ALPK3: variants seen among roughly 807,000 people sequenced by gnomAD.
ALPK3 encodes alpha kinase 3.
ALPK3 carries 102 observed loss-of-function variants against 140.0 expected under a neutral mutation model. The ratio of observed to expected loss-of-function variants is 0.73; its 90% CI spans 0.62 to 0.86. The LOEUF is 0.86. ALPK3 is among the 40% of genes least tolerant of loss of function. The probability of loss-of-function intolerance (pLI) is 0.00; values close to 1 mark genes in which losing one functional copy is unlikely to be tolerated. For missense variants in ALPK3, 2,254 were observed against 2,208.2 expected (o/e 1.02, Z -0.42); for synonymous variants, 938 against 898.5 (o/e 1.04, Z -0.79).
intron 9 of ALPK3, among the ~76,000 whole-genome samples, chr15:84,861,682 AG>A (rs1963947443): frequency 1.3e-5 from 2 of 152,312 alleles, no homozygotes; most frequent in Admixed American, 1.3e-4. Context: ...TCTGTAAAAA[AG>A]GGATGATTAT....
rs1187800939 is a variant in ALPK3 at position 84,871,438 on chromosome 15, G to A, written c.*2982G>A. The A allele has an allele frequency of 6.6e-6, 1 of 152,204 alleles. No homozygotes were observed. The highest frequency in any genetic ancestry group is 2.4e-5 in the African/African-American group (1 of 41,436). The allele number at this position is 152,204 out of a possible 1,614,324, so 9.4% of individuals were successfully genotyped here. The stretch of plus-strand genomic sequence containing the variant: ...TTTATAATGAGCCTGAAGTGGCCTG[G>A]TGGCTGCCTCAGCTTCCAGTTCAGT... On this transcript the variant is annotated 3_prime_UTR_variant, in exon 14 of 14. Coordinates refer to ENST00000258888, the MANE Select transcript of ALPK3 (RefSeq NM_020778.5).
intron 3 of ALPK3, 142 bp downstream of exon 3, chr15:84,827,747 C>T: frequency 8.0e-7 from 1 of 1,253,784 alleles, no homozygotes; most frequent in Non-Finnish European, 1.1e-6. Context: ...AGCTTTCTCT[C>T]TAGTTTAACA....
intron 3 of ALPK3, among the ~76,000 whole-genome samples, chr15:84,828,209 C>A (rs1056802391): frequency 2.6e-5 from 4 of 152,138 alleles, no homozygotes; most frequent in African/African-American, 9.7e-5. Context: ...TGGAGTAGTA[C>A]CTTATGTACA....
intron 3 of ALPK3, among the ~76,000 whole-genome samples, chr15:84,837,093 G>T (rs1963604089): frequency 6.6e-6 from 1 of 152,192 alleles, no homozygotes; most frequent in South Asian, 2.1e-4. Flanking sequence ...TGCAAGAGAG[G>T]CTATAAAGTC....
chr15:84,848,467 A>G (rs1266275246), intron 5 of ALPK3, among the ~76,000 whole-genome samples: 6 of 152,202 alleles, frequency 3.9e-5, no homozygotes, highest in African/African-American at 1.4e-4. Flanking sequence ...ATACAAAGAG[A>G]TATAGTAAAA....
chr15:84,842,718 GT>G (rs1963680481), intron 5 of ALPK3, among the ~76,000 whole-genome samples: 1 of 152,230 alleles, frequency 6.6e-6, no homozygotes, highest in Non-Finnish European at 1.5e-5. Flanking sequence ...TGTAGGAACA[GT>G]AGTTCAGAGG....
intron 5 of ALPK3, among the ~76,000 whole-genome samples, chr15:84,853,929 G>T (rs1963833612): frequency 6.6e-6 from 1 of 151,876 alleles, no homozygotes; most frequent in Non-Finnish European, 1.5e-5. Flanking sequence ...TGGGAGCATT[G>T]CTTGAGGCCA....
chr15:84,855,909 G>T (rs1385074951), intron 5 of ALPK3, among the ~76,000 whole-genome samples: 1 of 152,168 alleles, frequency 6.6e-6, no homozygotes, highest in Non-Finnish European at 1.5e-5. Context: ...CTCACTCAAT[G>T]TTACTGGTGG....
At position 84,866,937 on chromosome 15, in the gene ALPK3, G is replaced by A. The variant is rs185225293; in HGVS notation, c.4724-380G>A. Among the ~76,000 whole-genome samples, 291 of 152,232 alleles carry A rather than the reference G, an allele frequency of 1.9e-3. 1 individual carries two copies. Among genetic ancestry groups the A allele is most frequent in the African/African-American group, 6.6e-3 (275 of 41,554 alleles). On this transcript the variant is annotated intron_variant, in intron 12 of 13. Coordinates refer to ENST00000258888, the MANE Select transcript of ALPK3 (RefSeq NM_020778.5). The stretch of plus-strand genomic sequence containing the variant: ...TTTGGCTCTAGGAATCCAAAAAAAC[G>A]GAACCCTTATTTTAAGTCAAATGGC...
At position 84,872,858 on chromosome 15, in the gene ALPK3, T is replaced by G. The variant is rs1306730746; in HGVS notation, c.*4402T>G. ...ATAAGTTTTTCCTTCAAAAATACATTTGACTTCCTCTCCATTTAAGGTCTG... is the reference window on the plus strand; with the variant it reads ...ATAAGTTTTTCCTTCAAAAATACATGTGACTTCCTCTCCATTTAAGGTCTG... On this transcript the variant is annotated 3_prime_UTR_variant, in exon 14 of 14. Transcript: ENST00000258888. 1.3e-5 allele frequency: 2 copies of G among 152,196 alleles called. No homozygotes were observed. Among genetic ancestry groups the G allele is most frequent in the East Asian group, 3.8e-4 (2 of 5,202 alleles). The allele number at this position is 152,196 out of a possible 1,614,324, so 9.4% of individuals were successfully genotyped here.
intron 3 of ALPK3, among the ~76,000 whole-genome samples, chr15:84,838,251 A>T (rs1963616958): frequency 6.6e-6 from 1 of 152,192 alleles, no homozygotes; most frequent in Non-Finnish European, 1.5e-5. Context: ...GAGGGCTCTT[A>T]GAAGGGATGA....
chr15:84,841,403 A>G (rs1196996057), intron 5 of ALPK3, among the ~76,000 whole-genome samples: 3 of 152,220 alleles, frequency 2.0e-5, no homozygotes, highest in Non-Finnish European at 4.4e-5. Flanking sequence ...GGGTTTATCT[A>G]AGGTTCTGGA....
intron 9 of ALPK3, 145 bp downstream of exon 9, chr15:84,860,217 G>A (rs773999498): frequency 2.9e-6 from 3 of 1,034,504 alleles, no homozygotes; most frequent in South Asian, 2.8e-5. Flanking sequence ...GGAGATGATG[G>A]AGGAGGACTG....
Position 84,863,003 on chromosome 15 carries a change from C to T in ALPK3, c.4410+88C>T, listed in dbSNP as rs112618518. Reference sequence around the variant, plus strand: ...CAGGTCCTGTTAGGATGCCCAGTATCGAGGCAGAAGGCATCTCAGTCTCAA... The same window carrying T: ...CAGGTCCTGTTAGGATGCCCAGTATTGAGGCAGAAGGCATCTCAGTCTCAA... On this transcript the variant is annotated intron_variant, in intron 10 of 13. Coordinates refer to ENST00000258888, the MANE Select transcript of ALPK3 (RefSeq NM_020778.5). 628 of 1,523,306 alleles carry T rather than the reference C, an allele frequency of 4.1e-4. 1 individual carries two copies. The highest frequency in any genetic ancestry group is 1.1e-3 in the Admixed American group (57 of 53,538). 94.4% of individuals were successfully genotyped at this position (1,523,306 alleles called of 1,614,324 possible). A position where few individuals can be genotyped will look rare whatever the true frequency, so the allele number is the denominator to read the frequency against.
chr15:84,848,871 G>A (rs868493384), intron 5 of ALPK3, among the ~76,000 whole-genome samples: 5 of 152,212 alleles, frequency 3.3e-5, no homozygotes, highest in Admixed American at 6.5e-5. Flanking sequence ...GCTGGGTGCA[G>A]TGGCTCACAC....
chr15:84,848,071 A>AAT (rs1053945766), intron 5 of ALPK3, among the ~76,000 whole-genome samples: 7 of 151,864 alleles, frequency 4.6e-5, no homozygotes, highest in Non-Finnish European at 1.0e-4. Flanking sequence ...CAAAAAAAAA[A>AAT]AAATAAAAAG....
In ALPK3 at chr15:84,868,394, A is replaced by C. The variant is rs751858888; in HGVS notation, c.5056A>C (p.Thr1686Pro). Residue 1686 changes from threonine (T) to proline (P), a missense_variant, in exon 14 of 14, where the codon ACT (threonine) becomes CCT (proline). This residue lies in a region of ALPK3 where 158 missense variants were observed against 159.8 expected (regional missense o/e 0.99). Transcript: ENST00000258888. ...CCCTCAGGCCTCAGAGCCAGTCACC[A>C]CTCAGTTGTTGGGACAGCCTCCCAC... is the stretch of plus-strand genomic sequence containing the variant. ...ATPQASEPVTTQLLGQPPTQE... is the reference protein window; with the variant it reads ...ATPQASEPVTPQLLGQPPTQE... The C allele has an allele frequency of 1.2e-5, 19 of 1,613,238 alleles. 1 individual carries two copies. In the South Asian group the frequency reaches 1.9e-4, roughly 16 times the overall value.
At position 84,840,087 on chromosome 15, in the gene ALPK3, G is replaced by C; in HGVS notation, c.808G>C (p.Ala270Pro). 6.2e-7 allele frequency: 1 copy of C among 1,614,120 alleles called. No homozygotes were observed. Among genetic ancestry groups the C allele is most frequent in the Non-Finnish European group, 8.5e-7 (1 of 1,180,012 alleles). The change falls in exon 5 of 14, where the codon GCT (alanine) becomes CCT (proline). Residue 270 changes from alanine to proline, a missense_variant. This residue lies in a region of ALPK3 where 2,088 missense variants were observed against 2,022.9 expected (regional missense o/e 1.03). Transcript: ENST00000258888. ...AGGTTTGGGCCTGATCAACAGTTTT[G>C]CTTCTGGAGAAGTGACCACCAACGG... ...HSGLGLINSF[A>P]SGEVTTNGEA... is the part of the protein sequence containing the mutation.
rs533847002 is a variant in ALPK3 at position 84,856,498 on chromosome 15, C to G, written c.1760C>G (p.Pro587Arg). ...STSGSQGIIE[P>R]MDMETQEDGR... ...TCCGGAAGTCAAGGTATCATTGAACCCATGGATATGGAAACCCAGGAGGAT... is the reference window on the plus strand; with the variant it reads ...TCCGGAAGTCAAGGTATCATTGAACGCATGGATATGGAAACCCAGGAGGAT... Residue 587 changes from proline (P) to arginine (R), a missense_variant, in exon 6 of 14, where the codon CCC becomes CGC. Pro to Arg is a moderately radical substitution (Grantham distance 103, BLOSUM62 -2). Coordinates refer to ENST00000258888, the MANE Select transcript of ALPK3 (RefSeq NM_020778.5). 1 of 1,614,142 alleles carries G rather than the reference C, an allele frequency of 6.2e-7. No homozygotes were observed. Among genetic ancestry groups the G allele is most frequent in the South Asian group, 1.1e-5 (1 of 91,072 alleles).
Sources: gnomAD v4.1 joint callset for allele counts (sites outside exome capture counted in the v4.1 genomes callset) on GRCh38, gnomAD v4.1.1 for gene constraint, gnomAD v4.1.1 regional missense constraint, MANE v1.5 for transcripts, NCBI Gene and HGNC (gene_info 2026-07-23, HGNC 2026-07-21) for gene names.